The following OR4M1 variants were observed in gnomAD, a reference collection of about 807,000 sequenced individuals.
OR4M1 encodes olfactory receptor 4M1.
OR4M1 carries 7 observed loss-of-function variants against 9.8 expected under a neutral mutation model. That is an observed-to-expected ratio of 0.71 (90% CI 0.41 to 1.34). The LOEUF (loss-of-function observed/expected upper bound fraction) is 1.34. Among genes scored for constraint, OR4M1 ranks in the 40% most tolerant of loss-of-function variants. OR4M1 has a pLI of 0.01. For missense variants in OR4M1, 331 were observed against 380.4 expected (o/e 0.87, Z 1.08); for synonymous variants, 121 against 139.8 (o/e 0.87, Z 0.95).
chr14:19,781,423 G>C lies in OR4M1; in HGVS notation c.*159G>C, dbSNP rs1878495964. 1.3e-5 allele frequency: 9 copies of C among 712,706 alleles called. No individual in the cohort carries two copies. The highest frequency in any genetic ancestry group is 1.8e-5 in the Non-Finnish European group (8 of 449,684). The allele number at this position is 712,706 out of a possible 1,614,324, so 44.1% of individuals were successfully genotyped here. On this transcript the variant is annotated 3_prime_UTR_variant, in exon 2 of 2. Transcript: ENST00000641200. ...AATTCCTCTTTATATTGAAAAAATA[G>C]AGGCATTAAGATGAAAATAAATTTA...
chr14:19,776,882 C>A (rs1014333013), intron 1 of OR4M1, among the ~76,000 whole-genome samples: 2 of 151,688 alleles, frequency 1.3e-5, no homozygotes, highest in Non-Finnish European at 2.9e-5. Context: ...CAAATTCCAG[C>A]TGCCTTTGGT....
chr14:19,779,630 T>C (rs117954286), intron 1 of OR4M1, among the ~76,000 whole-genome samples: 4,063 of 151,712 alleles, frequency 0.027, 50 homozygotes, highest in Non-Finnish European at 0.044. Context: ...GCAAATTTCA[T>C]ACTCAATGTA....
chr14:19,778,122 A>T (rs1416496128), intron 1 of OR4M1, among the ~76,000 whole-genome samples: 1 of 152,248 alleles, frequency 6.6e-6, no homozygotes, highest in Non-Finnish European at 1.5e-5. Context: ...CAAAGTATAT[A>T]CATCATTAGT....
Position 19,780,298 on chromosome 14 carries a change from A to T in OR4M1, c.-25A>T. The T allele has an allele frequency of 6.3e-7, 1 of 1,578,518 alleles. No homozygotes were observed. The highest frequency in any genetic ancestry group is 1.9e-5 in the Admixed American group (1 of 53,940). On this transcript the variant is annotated 5_prime_UTR_variant, in exon 2 of 2. Transcript: ENST00000641200. ...TAGTTTCTTTAATTTTCATAGTTAT[A>T]TTATGAAAAGAGTAAATTGAAGAAA...
At position 19,780,425 on chromosome 14, in the gene OR4M1, T is replaced by C; in HGVS notation, c.103T>C (p.Tyr35His). 3 of 1,614,174 alleles carry C rather than the reference T, an allele frequency of 1.9e-6. No individual in the cohort carries two copies. Among genetic ancestry groups the C allele is most frequent in the Non-Finnish European group, 2.5e-6 (3 of 1,179,984 alleles). The change falls in exon 2 of 2, where the codon TAT (tyrosine) becomes CAT (histidine). Residue 35 changes from tyrosine (Y) to histidine (H), a missense_variant. By Grantham distance (83) the Tyr-to-His change is moderately conservative (BLOSUM62 2). This residue lies in a region of OR4M1 where 209 missense variants were observed against 200.0 expected (regional missense o/e 1.04). Transcript: ENST00000641200. Reference sequence around the variant, plus strand: ...CCTATTTGTTATATTTCTATCCTTCTATTTGTTCATCCTACCAGGAAATAT... The same window carrying C: ...CCTATTTGTTATATTTCTATCCTTCCATTTGTTCATCCTACCAGGAAATAT... ...LVLFVIFLSF[Y>H]LFILPGNILI...
In OR4M1 at chr14:19,780,724, C is replaced by T; in HGVS notation, c.402C>T (p.Thr134=). The change falls in exon 2 of 2, where the codon ACC becomes ACT. Residue 134 remains threonine (T), a synonymous_variant. Transcript: ENST00000641200. ...AAICRPLHYA[T]IMNRRLCCIL... ...TCTGCCGACCCCTCCACTATGCTACCATCATGAATCGACGTCTCTGCTGTA... is the reference window on the plus strand; with the variant it reads ...TCTGCCGACCCCTCCACTATGCTACTATCATGAATCGACGTCTCTGCTGTA... 6.2e-7 allele frequency: 1 copy of T among 1,614,212 alleles called. No homozygotes were observed. Among genetic ancestry groups the T allele is most frequent in the Non-Finnish European group, 8.5e-7 (1 of 1,180,036 alleles).
At chr14:19,780,251 T>TA in intron 1 of OR4M1, 43 bp from the exon 2 acceptor site, 1 of 1,446,558 alleles carries the variant, frequency 6.9e-7, no homozygotes, top group South Asian at 1.4e-5. Flanking sequence ...TAACTCTAGA[T>TA]AAATGCTATG....
In OR4M1 at chr14:19,780,704, C is replaced by A. The variant is rs200594443; in HGVS notation, c.382C>A (p.Arg128=). The change falls in exon 2 of 2, where the codon CGA becomes AGA. Residue 128 remains arginine, a synonymous_variant. Coordinates refer to ENST00000641200, the MANE Select transcript of OR4M1 (RefSeq NM_001005500.2). ...MAYDRYAAIC[R]PLHYATIMNR... ...CTATGACCGCTATGCTGCTATCTGCCGACCCCTCCACTATGCTACCATCAT... is the reference window on the plus strand; with the variant it reads ...CTATGACCGCTATGCTGCTATCTGCAGACCCCTCCACTATGCTACCATCAT... 3 of 1,614,228 alleles carry A rather than the reference C, an allele frequency of 1.9e-6. No individual in the cohort carries two copies. The South Asian group carries it at 3.3e-5, about 18-fold the overall frequency.
chr14:19,777,881 A>ATGTGTG (rs57894000), intron 1 of OR4M1, among the ~76,000 whole-genome samples: 19 of 150,748 alleles, frequency 1.3e-4, no homozygotes, highest in African/African-American at 3.4e-4. Flanking sequence ...GTGTAGTGGT[A>ATGTGTG]TGTGTGTGTG....
In OR4M1 at chr14:19,781,482, T is replaced by C. The variant is rs1878497732; in HGVS notation, c.*218T>C. 3 of 529,490 alleles carry C rather than the reference T, an allele frequency of 5.7e-6. No homozygotes were observed. The highest frequency in any genetic ancestry group is 4.8e-4 in the Middle Eastern group (1 of 2,084). 32.8% of individuals were successfully genotyped at this position (529,490 alleles called of 1,614,324 possible). ...TACCCTGAAATTCCAGGCAGATCAT[T>C]ATTAGAATTTGAGATATAATAATAA... On this transcript the variant is annotated 3_prime_UTR_variant, in exon 2 of 2. Transcript: ENST00000641200.
At position 19,773,531 on chromosome 14, in the gene OR4M1, G is replaced by T. The variant is rs1430456455; in HGVS notation, c.-92G>T. The T allele has an allele frequency of 1.3e-5, 2 of 152,336 alleles. No homozygotes were observed. The highest frequency in any genetic ancestry group is 2.9e-5 in the Non-Finnish European group (2 of 68,108). The allele number at this position is 152,336 out of a possible 1,614,324, so 9.4% of individuals were successfully genotyped here. The stretch of plus-strand genomic sequence containing the variant: ...ATAAAGTCCTCCACTGTGGGTGGTG[G>T]AAGAGGCTTCTTCTACCTCCTCCCC... On this transcript the variant is annotated 5_prime_UTR_variant, in exon 1 of 2. Transcript: ENST00000641200.
Position 19,782,468 on chromosome 14 carries a change from A to C in OR4M1, c.*1204A>C, listed in dbSNP as rs1229944564. 1 of 152,260 alleles carries C rather than the reference A, an allele frequency of 6.6e-6. No individual in the cohort carries two copies. 9.4% of individuals were successfully genotyped at this position (152,260 alleles called of 1,614,324 possible). A position where few individuals can be genotyped will look rare whatever the true frequency, so the allele number is the denominator to read the frequency against. Reference sequence around the variant, plus strand: ...TCTTTTTTAAATTTGATAATGTAATATGGACTAAATTTTAAGTGAATTAGA... The same window carrying C: ...TCTTTTTTAAATTTGATAATGTAATCTGGACTAAATTTTAAGTGAATTAGA... On this transcript the variant is annotated 3_prime_UTR_variant, in exon 2 of 2. Coordinates refer to ENST00000641200, the MANE Select transcript of OR4M1 (RefSeq NM_001005500.2).
intron 1 of OR4M1, among the ~76,000 whole-genome samples, chr14:19,777,817 G>T (rs1878355849): frequency 6.6e-6 from 1 of 152,160 alleles, no homozygotes; most frequent in Non-Finnish European, 1.5e-5. Flanking sequence ...TTAGGTAATG[G>T]TTATGTTAAT....
intron 1 of OR4M1, among the ~76,000 whole-genome samples, chr14:19,780,028 A>T (rs1189719806): frequency 6.6e-6 from 1 of 152,248 alleles, no homozygotes; most frequent in African/African-American, 2.4e-5. Context: ...TGCATTGCCG[A>T]ATTTCAGAAA....
chr14:19,775,496 C>T (rs1878282635), intron 1 of OR4M1, among the ~76,000 whole-genome samples: 1 of 150,354 alleles, frequency 6.7e-6, no homozygotes, highest in Admixed American at 6.7e-5. Flanking sequence ...GCACTAACAC[C>T]CCATATCTAA....
intron 1 of OR4M1, among the ~76,000 whole-genome samples, 160 bp downstream of exon 1, chr14:19,773,753 T>C (rs1007679262): frequency 6.6e-6 from 1 of 152,218 alleles, no homozygotes; most frequent in Non-Finnish European, 1.5e-5. Flanking sequence ...GTGATGATAG[T>C]GTAGAGCAGG....
rs1192349167 is a variant in OR4M1 at position 19,782,514 on chromosome 14, G to T, written c.*1250G>T. ...TTAGATCCTTGTCAACATTAGGAAT[G>T]AATATATAAAAATAAATCGTATAAC... is the stretch of plus-strand genomic sequence containing the variant. On this transcript the variant is annotated 3_prime_UTR_variant, in exon 2 of 2. Transcript: ENST00000641200. 2 of 152,232 alleles carry T rather than the reference G, an allele frequency of 1.3e-5. No homozygotes were observed. Among genetic ancestry groups the T allele is most frequent in the Admixed American group, 6.5e-5 (1 of 15,280 alleles). 9.4% of individuals were successfully genotyped at this position (152,232 alleles called of 1,614,324 possible).
rs1324755209 is a variant in OR4M1, at chr14:19,783,083, G to A, written c.*1819G>A. On this transcript the variant is annotated 3_prime_UTR_variant, in exon 2 of 2. Transcript: ENST00000641200. ...ATATTTACTGAAAATACTGAAGCTAGTAATACAAAGGAAAAAGGCATAAAA... is the reference window on the plus strand; with the variant it reads ...ATATTTACTGAAAATACTGAAGCTAATAATACAAAGGAAAAAGGCATAAAA... 6.6e-6 allele frequency: 1 copy of A among 152,232 alleles called. No homozygotes were observed. The highest frequency in any genetic ancestry group is 2.4e-5 in the African/African-American group (1 of 41,450). The allele number at this position is 152,232 out of a possible 1,614,324, so 9.4% of individuals were successfully genotyped here.
chr14:19,780,365 A>G lies in OR4M1; in HGVS notation c.43A>G (p.Thr15Ala), dbSNP rs1199416171. 6.2e-7 allele frequency: 1 copy of G among 1,614,016 alleles called. No individual in the cohort carries two copies. ...NYTKVTEFVL[T>A]GLSQTREVQL... ...CACCAAGGTGACAGAATTTGTTCTC[A>G]CTGGCCTATCCCAGACTCGGGAGGT... is the stretch of plus-strand genomic sequence containing the variant. Residue 15 changes from threonine to alanine, a missense_variant, in exon 2 of 2, where the codon ACT (threonine) becomes GCT (alanine). Thr to Ala is a moderately conservative substitution (Grantham distance 58). Coordinates refer to ENST00000641200, the MANE Select transcript of OR4M1 (RefSeq NM_001005500.2).
Sources: allele counts gnomAD v4.1 joint callset (sites outside exome capture counted in the v4.1 genomes callset), GRCh38; gene constraint gnomAD v4.1.1; regional missense constraint gnomAD v4.1.1; transcripts MANE v1.5; gene names NCBI Gene and HGNC (gene_info 2026-07-23, HGNC 2026-07-21).